The following KCNIP4 variants were observed in gnomAD, a reference collection of about 807,000 sequenced individuals.
The protein encoded by KCNIP4 is Kv channel-interacting protein 4.
A neutral mutation model predicts 34.0 loss-of-function variants in KCNIP4; 12 were observed. That is an observed-to-expected ratio of 0.35 (90% CI 0.23 to 0.57). The LOEUF is 0.57. Ranked by LOEUF, KCNIP4 falls within the 20% of genes least tolerant of loss-of-function variation. The probability of loss-of-function intolerance (pLI) is 0.83; values close to 1 mark genes in which losing one functional copy is unlikely to be tolerated. For synonymous variants in KCNIP4, 124 were observed against 102.2 expected (o/e 1.21, Z -1.29); for missense variants, 238 against 311.7 (o/e 0.76, Z 1.78).
At chr4:20,978,688 C>T (rs1341765587) in intron 1 of KCNIP4, among the ~76,000 whole-genome samples, 1 of 152,194 alleles carries the variant, frequency 6.6e-6, no homozygotes, top group Non-Finnish European at 1.5e-5. Context: ...GGAGTCATCT[C>T]TGATTGCTTT....
intron 1 of KCNIP4, among the ~76,000 whole-genome samples, chr4:21,493,609 T>C (rs558359981): frequency 6.6e-6 from 1 of 152,292 alleles, no homozygotes; most frequent in South Asian, 2.1e-4. Context: ...GCTTGGAAAG[T>C]TTCTGGACAA....
intron 3 of KCNIP4, among the ~76,000 whole-genome samples, chr4:20,819,600 T>C (rs1225019277): frequency 6.6e-6 from 1 of 152,240 alleles, no homozygotes; most frequent in African/African-American, 2.4e-5. Context: ...ATAGTTTGAA[T>C]GGATGAGGTC....
At chr4:21,184,687 A>T (rs1200613370) in intron 1 of KCNIP4, among the ~76,000 whole-genome samples, 1 of 152,160 alleles carries the variant, frequency 6.6e-6, no homozygotes, top group Non-Finnish European at 1.5e-5. Context: ...CTTATGCATC[A>T]ATGCCCACAA....
chr4:21,700,940 G>T (rs1712784724), intron 1 of KCNIP4, among the ~76,000 whole-genome samples: 1 of 152,068 alleles, frequency 6.6e-6, no homozygotes, highest in South Asian at 2.1e-4. Flanking sequence ...ATGTCAAAAA[G>T]ATATCTGCAT....
intron 1 of KCNIP4, among the ~76,000 whole-genome samples, chr4:21,072,928 T>C (rs1745107194): frequency 6.6e-6 from 1 of 152,210 alleles, no homozygotes; most frequent in Non-Finnish European, 1.5e-5. Context: ...CTTGTTTTTG[T>C]CAGGTTTGTC....
intron 1 of KCNIP4, among the ~76,000 whole-genome samples, chr4:21,644,670 T>A (rs1235779663): frequency 3.3e-5 from 5 of 152,158 alleles, no homozygotes; most frequent in Non-Finnish European, 4.4e-5. Flanking sequence ...TCTGGGTGGA[T>A]CCCATAAATT....
At chr4:21,349,381 C>T (rs981735562) in intron 1 of KCNIP4, among the ~76,000 whole-genome samples, 2 of 152,272 alleles carry the variant, frequency 1.3e-5, no homozygotes, top group South Asian at 2.1e-4. Flanking sequence ...AAAGTACAGA[C>T]ATGTTTTCCT....
chr4:21,354,317 A>T (rs576057648), intron 1 of KCNIP4, among the ~76,000 whole-genome samples: 1 of 152,312 alleles, frequency 6.6e-6, no homozygotes, highest in African/African-American at 2.4e-5. Context: ...TTAAATGTAA[A>T]TGGGCTAAAT....
intron 3 of KCNIP4, among the ~76,000 whole-genome samples, chr4:20,768,348 T>G (rs945054802): frequency 7.2e-5 from 11 of 152,196 alleles, no homozygotes; most frequent in African/African-American, 2.7e-4. Context: ...GATATCCCCA[T>G]GATTGCCCAC....
intron 1 of KCNIP4, among the ~76,000 whole-genome samples, chr4:21,882,483 A>C (rs2109386874): frequency 6.6e-6 from 1 of 152,288 alleles, no homozygotes; most frequent in Admixed American, 6.5e-5. Context: ...GGCAAAGTTC[A>C]AAGTTAAGAA....
intron 5 of KCNIP4, among the ~76,000 whole-genome samples, chr4:20,736,665 C>A (rs191281489): frequency 3.3e-5 from 5 of 152,094 alleles, no homozygotes; most frequent in African/African-American, 1.2e-4. Flanking sequence ...TTTTCTTGAA[C>A]TTGAGAATAT....
intron 1 of KCNIP4, among the ~76,000 whole-genome samples, chr4:21,237,769 G>T (rs1170245419): frequency 6.6e-6 from 1 of 152,186 alleles, no homozygotes; most frequent in Non-Finnish European, 1.5e-5. Flanking sequence ...TCCAGGACCA[G>T]ATGGATTCAC....
At chr4:21,439,730 G>A (rs1727283265) in intron 1 of KCNIP4, among the ~76,000 whole-genome samples, 1 of 142,868 alleles carries the variant, frequency 7.0e-6, no homozygotes, top group Non-Finnish European at 1.5e-5. Flanking sequence ...GCCATTTTAT[G>A]AGTGAAAGAT....
chr4:21,198,857 G>C (rs796732719), intron 1 of KCNIP4, among the ~76,000 whole-genome samples: 5 of 152,210 alleles, frequency 3.3e-5, no homozygotes, highest in African/African-American at 1.2e-4. Context: ...TTCTGGCTTT[G>C]GGGGACTGAC....
At chr4:21,302,715 T>A (rs759803538) in intron 1 of KCNIP4, among the ~76,000 whole-genome samples, 1 of 152,066 alleles carries the variant, frequency 6.6e-6, no homozygotes, top group Non-Finnish European at 1.5e-5. Context: ...GCGCCCTGCA[T>A]CCCCCGCCCC....
At chr4:21,226,907 A>C (rs1250496980) in intron 1 of KCNIP4, among the ~76,000 whole-genome samples, 2 of 152,198 alleles carry the variant, frequency 1.3e-5, no homozygotes, top group Non-Finnish European at 2.9e-5. Context: ...CCTTTCTGTA[A>C]AATGGAAGAT....
intron 1 of KCNIP4, among the ~76,000 whole-genome samples, chr4:21,443,146 T>C (rs1218496801): frequency 6.6e-6 from 1 of 152,176 alleles, no homozygotes; most frequent in East Asian, 1.9e-4. Context: ...CCACTCTCTC[T>C]AATCTGTATC....
At chr4:21,458,034 G>T (rs1729113041) in intron 1 of KCNIP4, among the ~76,000 whole-genome samples, 1 of 151,408 alleles carries the variant, frequency 6.6e-6, no homozygotes, top group Non-Finnish European at 1.5e-5. Context: ...GGGTACACGT[G>T]CTCATTGCGC....
rs139522190 is a variant in KCNIP4, at chr4:21,366,892, T to C, written c.62-484183A>G. ...GTTGTCATGGTCTAAATGTATTTCC[T>C]AAAACTTATATGTTGAAGTTTAATC... On this transcript the variant is annotated intron_variant, in intron 1 of 8. Transcript: ENST00000382152. Among the ~76,000 whole-genome samples the C allele has an allele frequency of 1.7e-3, 256 of 152,276 alleles. 1 individual carries two copies. The highest frequency in any genetic ancestry group is 6.0e-3 in the African/African-American group (250 of 41,572).
Sources: allele counts gnomAD v4.1 joint callset (sites outside exome capture counted in the v4.1 genomes callset), GRCh38; gene constraint gnomAD v4.1.1; transcripts MANE v1.5; gene names NCBI Gene and HGNC (gene_info 2026-07-23, HGNC 2026-07-21).